The following MTR variants were observed in gnomAD, a reference collection of about 807,000 sequenced individuals.
MTR encodes 5-methyltetrahydrofolate-homocysteine methyltransferase, also known as methionine synthase.
A neutral mutation model predicts 154.8 loss-of-function variants in MTR; 84 were observed. The ratio of observed to expected loss-of-function variants is 0.54; its 90% CI spans 0.45 to 0.65. The LOEUF (loss-of-function observed/expected upper bound fraction) is 0.65. Ranked by LOEUF, MTR falls within the 30% of genes least tolerant of loss-of-function variation. The pLI, the probability that MTR is intolerant of heterozygous loss-of-function variation, is 0.00. For missense variants in MTR, 1,275 were observed against 1,570.2 expected (o/e 0.81, Z 3.18); for synonymous variants, 554 against 553.9 (o/e 1.00, Z 0.00).
chr1:236,803,699 A>G (rs1660817730), intron 2 of MTR, 57 bp downstream of exon 2: 17 of 1,532,058 alleles, frequency 1.1e-5, no homozygotes, highest in Admixed American at 1.7e-5. Flanking sequence ...AAGCTGTTTC[A>G]TGTATCAGGG....
At chr1:236,846,915 C>T (rs1558306907) in intron 15 of MTR, among the ~76,000 whole-genome samples, 4 of 152,100 alleles carry the variant, frequency 2.6e-5, no homozygotes, top group Admixed American at 2.6e-4. Context: ...GAGATCAAGT[C>T]TCACTCTGTC....
At chr1:236,844,863 G>A (rs1663480420) in intron 15 of MTR, among the ~76,000 whole-genome samples, 1 of 152,178 alleles carries the variant, frequency 6.6e-6, no homozygotes. Context: ...GTGCAAAGCA[G>A]ACTCACTCTG....
chr1:236,845,977 A>G (rs1389633604), intron 15 of MTR, among the ~76,000 whole-genome samples: 2 of 152,240 alleles, frequency 1.3e-5, no homozygotes, highest in African/African-American at 4.8e-5. Context: ...TACTGTTGCG[A>G]CTAAGCAAGG....
intron 18 of MTR, among the ~76,000 whole-genome samples, chr1:236,854,511 G>C (rs1383913635): frequency 6.6e-6 from 1 of 152,168 alleles, no homozygotes; most frequent in Non-Finnish European, 1.5e-5. Flanking sequence ...ACACTATTCA[G>C]TTTTGAGTCA....
intron 22 of MTR, among the ~76,000 whole-genome samples, 179 bp downstream of exon 22, chr1:236,863,733 T>G (rs1468744722): frequency 6.6e-6 from 1 of 152,200 alleles, no homozygotes; most frequent in Non-Finnish European, 1.5e-5. Context: ...GCATTTCAAA[T>G]GAAATAAGTT....
At chr1:236,797,526 AT>A (rs1344264309) in intron 1 of MTR, among the ~76,000 whole-genome samples, 3 of 152,142 alleles carry the variant, frequency 2.0e-5, no homozygotes, top group Non-Finnish European at 4.4e-5. Context: ...AATCCAGTGA[AT>A]TGGTATCAAT....
chr1:236,824,398 C>T (rs570862700), intron 9 of MTR, among the ~76,000 whole-genome samples, 179 bp downstream of exon 9: 1 of 152,296 alleles, frequency 6.6e-6, no homozygotes, highest in Non-Finnish European at 1.5e-5. Context: ...AAGTTCGGCT[C>T]ACCCTGAAGC....
chr1:236,892,894 G>A (rs1666410573), intron 29 of MTR, among the ~76,000 whole-genome samples: 2 of 152,128 alleles, frequency 1.3e-5, no homozygotes, highest in South Asian at 4.1e-4. Flanking sequence ...ACATATTAGG[G>A]CATTTAATAG....
intron 8 of MTR, among the ~76,000 whole-genome samples, 197 bp from the exon 9 acceptor site, chr1:236,823,922 G>A (rs1356524363): frequency 6.8e-6 from 1 of 147,306 alleles, no homozygotes; most frequent in Non-Finnish European, 1.5e-5. Context: ...TCAGCTGTAG[G>A]ATTATCTGAA....
rs185432315 is a variant in MTR, at chr1:236,808,577, C to A, written c.340-127C>A. The A allele has an allele frequency of 1.2e-3, 1,129 of 930,988 alleles. 2 individuals carry two copies. The highest frequency in any genetic ancestry group is 1.6e-3 in the Non-Finnish European group (917 of 580,620). The allele number at this position is 930,988 out of a possible 1,614,324, so 57.7% of individuals were successfully genotyped here. ...ATGCCTGCTTGGCTAAGATTTCACT[C>A]AGACCTCAGATTAATTCACTCTACA... is the stretch of plus-strand genomic sequence containing the variant. On this transcript the variant is annotated intron_variant, in intron 3 of 32. Coordinates refer to ENST00000366577, the MANE Select transcript of MTR (RefSeq NM_000254.3).
intron 12 of MTR, 98 bp from the exon 13 acceptor site, chr1:236,831,868 C>T: frequency 1.1e-6 from 1 of 873,144 alleles, no homozygotes. Flanking sequence ...GGCTATGGTG[C>T]AGGAACTTCT....
intron 9 of MTR, among the ~76,000 whole-genome samples, 195 bp from the exon 10 acceptor site, chr1:236,825,140 ATTT>A (rs749672025): frequency 8.8e-6 from 1 of 114,142 alleles, no homozygotes. Context: ...TTCCTCTGTG[ATTT>A]TTTTTTTTTT....
chr1:236,816,575 CT>C, intron 8 of MTR, 32 bp downstream of exon 8: 1 of 1,584,886 alleles, frequency 6.3e-7, no homozygotes, highest in South Asian at 1.1e-5. Context: ...AACTTCTTTT[CT>C]TTTTTGGGGA....
In MTR at chr1:236,795,934, C is replaced by G. The variant is rs570727849; in HGVS notation, c.34+197C>G. ...GCTCCACTCTTTGTCCGACCTTCACCTCTTTCTCCCCAGGCAAGCCATCAA... is the reference window on the plus strand; with the variant it reads ...GCTCCACTCTTTGTCCGACCTTCACGTCTTTCTCCCCAGGCAAGCCATCAA... On this transcript the variant is annotated intron_variant, in intron 1 of 32. Coordinates refer to ENST00000366577, the MANE Select transcript of MTR (RefSeq NM_000254.3). Among the ~76,000 whole-genome samples, 93 of 152,368 alleles carry G rather than the reference C, an allele frequency of 6.1e-4. No homozygotes were observed. The South Asian group carries it at 0.018, about 29-fold the overall frequency.
At chr1:236,801,098 A>G (rs937477615) in intron 1 of MTR, among the ~76,000 whole-genome samples, 50 of 152,216 alleles carry the variant, frequency 3.3e-4, no homozygotes, top group African/African-American at 9.6e-4. Context: ...ATAGCTTGAA[A>G]TGGCGCCCAC....
In MTR at chr1:236,795,546, A is replaced by G. The variant is rs777152693; in HGVS notation, c.-158A>G. On this transcript the variant is annotated 5_prime_UTR_variant, in exon 1 of 33. Transcript: ENST00000366577. ...GGCGCTGCGGGCTTTCGGGGTCCGC[A>G]GTCCCCCCGCGACGCGAGCCAACGG... 5 of 1,538,040 alleles carry G rather than the reference A, an allele frequency of 3.3e-6. No homozygotes were observed. The highest frequency in any genetic ancestry group is 3.5e-6 in the Non-Finnish European group (4 of 1,146,906).
At chr1:236,800,373 A>C in intron 1 of MTR, 1 of 985,398 alleles carries the variant, frequency 1.0e-6, no homozygotes, top group Non-Finnish European at 1.2e-6. Context: ...TCATGCTCAC[A>C]CTAGGCTTAT....
chr1:236,843,104 A>AAGT (rs1553317692), intron 15 of MTR, among the ~76,000 whole-genome samples: 8 of 150,562 alleles, frequency 5.3e-5, no homozygotes, highest in Admixed American at 4.6e-4. Context: ...AAAAAAAAAA[A>AAGT]GTGTGTGTGT....
At chr1:236,816,113 G>A (rs1307535744) in intron 7 of MTR, among the ~76,000 whole-genome samples, 1 of 152,220 alleles carries the variant, frequency 6.6e-6, no homozygotes, top group African/African-American at 2.4e-5. Flanking sequence ...TAAATCCAAT[G>A]TTTAACAGCA....
Sources: gnomAD v4.1 joint callset for allele counts (sites outside exome capture counted in the v4.1 genomes callset) on GRCh38, gnomAD v4.1.1 for gene constraint, MANE v1.5 for transcripts, NCBI Gene and HGNC (gene_info 2026-07-23, HGNC 2026-07-21) for gene names.